Variants in GPC5 observed in about 807,000 individuals in gnomAD.
GPC5 encodes the protein glypican 5, also known as glypican-5.
A neutral mutation model predicts 53.9 loss-of-function variants in GPC5; 47 were observed. The observed-to-expected ratio is 0.87, with a 90% CI of 0.69 to 1.11. GPC5 has a LOEUF of 1.11. Ranked by LOEUF, GPC5 falls within the 50% of genes most tolerant of loss-of-function variation. The pLI is 0.00. For synonymous variants in GPC5, 286 were observed against 263.3 expected (o/e 1.09, Z -0.84); for missense variants, 748 against 713.1 (o/e 1.05, Z -0.56).
At chr13:91,867,343 G>A (rs959474800) in intron 5 of GPC5, among the ~76,000 whole-genome samples, 1 of 152,192 alleles carries the variant, frequency 6.6e-6, no homozygotes, top group African/African-American at 2.4e-5. Context: ...ATGTTTGCCT[G>A]AACTCTAATC....
intron 3 of GPC5, among the ~76,000 whole-genome samples, chr13:91,710,554 CTA>C (rs2036202822): frequency 6.6e-6 from 1 of 152,116 alleles, no homozygotes; most frequent in East Asian, 1.9e-4. Flanking sequence ...ATAATCTATT[CTA>C]AATAGCTCTG....
chr13:92,396,346 C>T (rs1020804468), intron 7 of GPC5, among the ~76,000 whole-genome samples: 4 of 152,076 alleles, frequency 2.6e-5, no homozygotes, highest in African/African-American at 7.2e-5. Context: ...GAGTTTCCAT[C>T]TCTTTTCTTA....
chr13:92,264,878 C>CTGTG (rs71815584), intron 7 of GPC5, among the ~76,000 whole-genome samples: 3,448 of 104,656 alleles, frequency 0.033, 83 homozygotes, highest in East Asian at 0.082. Flanking sequence ...CTCTCTCTCT[C>CTGTG]TGTGTGTGTG....
At chr13:91,714,386 G>A (rs907575421) in intron 3 of GPC5, among the ~76,000 whole-genome samples, 6 of 152,124 alleles carry the variant, frequency 3.9e-5, no homozygotes, top group African/African-American at 1.4e-4. Context: ...CACACACCGT[G>A]GAAGATTATG....
At chr13:92,551,423 A>G (rs1441404646) in intron 7 of GPC5, among the ~76,000 whole-genome samples, 1 of 151,838 alleles carries the variant, frequency 6.6e-6, no homozygotes, top group East Asian at 1.9e-4. Flanking sequence ...AAAATCTTGA[A>G]TAACAGTGAA....
At chr13:92,661,352 C>T (rs1886336616) in intron 7 of GPC5, among the ~76,000 whole-genome samples, 1 of 150,360 alleles carries the variant, frequency 6.7e-6, no homozygotes, top group South Asian at 2.1e-4. Context: ...AAAAAATAGA[C>T]AATTATAATC....
chr13:92,059,404 A>G (rs908933888), intron 6 of GPC5, among the ~76,000 whole-genome samples: 2 of 152,124 alleles, frequency 1.3e-5, no homozygotes, highest in Non-Finnish European at 2.9e-5. Context: ...ATCAATGAAT[A>G]TATATCAGTA....
chr13:92,065,125 C>A (rs1391214169), intron 6 of GPC5, among the ~76,000 whole-genome samples: 1 of 152,124 alleles, frequency 6.6e-6, no homozygotes, highest in African/African-American at 2.4e-5. Context: ...CGATCAAATT[C>A]TCTTTGATAT....
intron 3 of GPC5, among the ~76,000 whole-genome samples, chr13:91,720,061 G>A (rs577994916): frequency 2.0e-5 from 3 of 152,180 alleles, no homozygotes; most frequent in South Asian, 2.1e-4. Context: ...TATATGAAAC[G>A]AGGTCTCTAC....
At chr13:92,014,844 T>A (rs2040693174) in intron 6 of GPC5, among the ~76,000 whole-genome samples, 1 of 152,194 alleles carries the variant, frequency 6.6e-6, no homozygotes, top group African/African-American at 2.4e-5. Flanking sequence ...ATTAGAAAGA[T>A]GATTCTAAAT....
At chr13:91,500,781 A>G (rs1884579298) in intron 2 of GPC5, among the ~76,000 whole-genome samples, 1 of 152,086 alleles carries the variant, frequency 6.6e-6, no homozygotes, top group East Asian at 1.9e-4. Flanking sequence ...TCCCCACCCA[A>G]ATCTCATCTT....
At chr13:92,027,889 T>C (rs1027407087) in intron 6 of GPC5, among the ~76,000 whole-genome samples, 41 of 152,264 alleles carry the variant, frequency 2.7e-4, no homozygotes, top group Admixed American at 1.5e-3. Context: ...CAAATACCAA[T>C]ATGTCTTATC....
chr13:92,464,904 T>C (rs1009035028), intron 7 of GPC5, among the ~76,000 whole-genome samples: 5 of 151,852 alleles, frequency 3.3e-5, no homozygotes, highest in Non-Finnish European at 7.4e-5. Flanking sequence ...TTATGTAAAC[T>C]ATATATTTAA....
At chr13:92,344,479 C>T (rs993215064) in intron 7 of GPC5, among the ~76,000 whole-genome samples, 1 of 152,166 alleles carries the variant, frequency 6.6e-6, no homozygotes, top group Non-Finnish European at 1.5e-5. Flanking sequence ...AGAAGGACTT[C>T]ACCCAAAATT....
At chr13:92,259,954 G>A (rs1325913885) in intron 7 of GPC5, among the ~76,000 whole-genome samples, 2 of 152,142 alleles carry the variant, frequency 1.3e-5, no homozygotes, top group East Asian at 3.9e-4. Flanking sequence ...ATCTCGTAGG[G>A]ACAGGTAATT....
chr13:92,584,756 A>G (rs1312713573), intron 7 of GPC5, among the ~76,000 whole-genome samples: 3 of 152,106 alleles, frequency 2.0e-5, no homozygotes, highest in Non-Finnish European at 4.4e-5. Context: ...TTCCTGGGCC[A>G]GGCCTAGGGT....
intron 2 of GPC5, among the ~76,000 whole-genome samples, chr13:91,534,524 T>G (rs1475453305): frequency 1.3e-5 from 2 of 152,176 alleles, no homozygotes; most frequent in Non-Finnish European, 2.9e-5. Context: ...GAAAGTTGAT[T>G]TTGTTGAAAA....
intron 2 of GPC5, among the ~76,000 whole-genome samples, chr13:91,619,077 A>G (rs1351331184): frequency 6.6e-6 from 1 of 152,056 alleles, no homozygotes; most frequent in Non-Finnish European, 1.5e-5. Context: ...TGAATATTAG[A>G]AAGAGGAGAG....
rs1555339433 is a variant in GPC5 at position 92,512,234 on chromosome 13, A to ATG, written c.1562-354033_1562-354032dup. On this transcript the variant is annotated intron_variant, in intron 7 of 7. Transcript: ENST00000377067. The stretch of plus-strand genomic sequence containing the variant: ...AATTTTTTTTTATTTTGTAGATTGT[A>ATG]TGTGTGTGTGTGTGTGCGCGCGCGC... 3.7e-3 allele frequency among the ~76,000 whole-genome samples: 545 copies of ATG among 148,688 alleles called. 4 individuals are homozygous for ATG. Among genetic ancestry groups the ATG allele is most frequent in the South Asian group, 0.014 (67 of 4,730 alleles).
Sources: gnomAD v4.1 joint callset for allele counts (sites outside exome capture counted in the v4.1 genomes callset) on GRCh38, gnomAD v4.1.1 for gene constraint, MANE v1.5 for transcripts, NCBI Gene and HGNC (gene_info 2026-07-23, HGNC 2026-07-21) for gene names.